The following CACNA1H variants were observed in gnomAD, a reference collection of about 807,000 sequenced individuals.
CACNA1H encodes calcium voltage-gated channel subunit alpha1 H.
Under a neutral mutation model 192.5 loss-of-function variants are expected in CACNA1H, and 149 were observed. That is an observed-to-expected ratio of 0.77 (90% CI 0.68 to 0.89). The LOEUF (loss-of-function observed/expected upper bound fraction) is 0.89, where lower values mean the gene tolerates loss of function less well. Among genes scored for constraint, CACNA1H ranks in the 40% least tolerant of loss-of-function variants. The pLI is 0.00. For synonymous variants in CACNA1H, 2,202 were observed against 1,475.2 expected, an observed-to-expected ratio of 1.49 and a Z score of -11.29; for missense variants, 4,257 against 3,423.5, an observed-to-expected ratio of 1.24 and a Z score of -6.08.
chr16:1,161,553 C>T (rs569884145), intron 2 of CACNA1H, among the ~76,000 whole-genome samples: 1 of 152,296 alleles, frequency 6.6e-6, no homozygotes, highest in African/African-American at 2.4e-5. Context: ...TCTGGGGTCT[C>T]CATGGCCACA....
chr16:1,172,404 C>T (rs1288275747), intron 2 of CACNA1H, among the ~76,000 whole-genome samples: 1 of 152,092 alleles, frequency 6.6e-6, no homozygotes, highest in African/African-American at 2.4e-5. Context: ...CAGGCGTCCT[C>T]CCCTCTTAGA....
chr16:1,220,462 C>G lies in CACNA1H; in HGVS notation c.6530C>G (p.Pro2177Arg), dbSNP rs774592173. ...EAKAWGPEAE[P>R]ALGARRKKKM... ...AAGGCCTGGGGCCCTGAGGCCGAGC[C>G]CGCTCTGGGTGCGCGCAGAAAGAAG... Residue 2177 changes from proline (P) to arginine (R), a missense_variant, in exon 35 of 35, where the codon CCC becomes CGC. Pro to Arg is a moderately radical substitution (Grantham distance 103). Coordinates refer to ENST00000348261, the MANE Select transcript of CACNA1H (RefSeq NM_021098.3). 1.3e-6 allele frequency: 2 copies of G among 1,544,676 alleles called. No homozygotes were observed. The highest frequency in any genetic ancestry group is 2.3e-5 in the East Asian group (1 of 44,146).
chr16:1,166,071 T>C (rs958036988), intron 2 of CACNA1H, among the ~76,000 whole-genome samples: 1 of 152,226 alleles, frequency 6.6e-6, no homozygotes, highest in Non-Finnish European at 1.5e-5. Flanking sequence ...ATTGGGTGAC[T>C]CTGAGAGCTG....
At chr16:1,154,061 CGGGGGGCGGGGGGCGTGGGGA>C in intron 2 of CACNA1H, 25 bp downstream of exon 2, 1 of 53,608 alleles carries the variant, frequency 1.9e-5, no homozygotes, top group East Asian at 4.3e-4. Flanking sequence ...CGGCGGGGGG[CGGGGGGCGGGGGGCGTGGGGA>C]GGGTGGGGGC....
Position 1,220,402 on chromosome 16 carries a change from C to T in CACNA1H, c.6470C>T (p.Ser2157Leu), listed in dbSNP as rs779547523. Residue 2157 changes from serine (S) to leucine (L), a missense_variant, in exon 35 of 35, where the codon TCG (serine) becomes TTG (leucine). By Grantham distance (145) the Ser-to-Leu change is moderately radical (BLOSUM62 -2). Transcript: ENST00000348261. ...CGGGCAGACGAGCAGTGGCGGCCCT[C>T]GGCGGAGCTGGGCAGCGGGGAGCCT... is the stretch of plus-strand genomic sequence containing the variant. ...PGRADEQWRP[S>L]AELGSGEPGE... 7.9e-6 allele frequency: 12 copies of T among 1,524,196 alleles called. No homozygotes were observed. Among genetic ancestry groups the T allele is most frequent in the South Asian group, 3.9e-5 (3 of 77,030 alleles). The allele number at this position is 1,524,196 out of a possible 1,614,324, so 94.4% of individuals were successfully genotyped here.
rs770812160 is a variant in CACNA1H, at chr16:1,220,045, C to T, written c.6113C>T (p.Ala2038Val). The change falls in exon 35 of 35, where the codon GCA (alanine) becomes GTA (valine). Residue 2038 changes from alanine (A) to valine (V), a missense_variant. Coordinates refer to ENST00000348261, the MANE Select transcript of CACNA1H (RefSeq NM_021098.3). Reference protein sequence around the residue: ...IDSPRDTLDPAEPGEKTPVRP... With the variant: ...IDSPRDTLDPVEPGEKTPVRP... ...AGCCCTAGGGACACCCTGGATCCTG[C>T]AGAGCCTGGTGAGAAAACCCCGGTG... 2.1e-6 allele frequency: 3 copies of T among 1,423,898 alleles called. No homozygotes were observed. The East Asian group carries it at 8.3e-5, about 40-fold the overall frequency. The allele number at this position is 1,423,898 out of a possible 1,614,324, so 88.2% of individuals were successfully genotyped here. A position where few individuals can be genotyped will look rare whatever the true frequency, so the allele number is the denominator to read the frequency against.
intron 2 of CACNA1H, among the ~76,000 whole-genome samples, chr16:1,155,884 C>T (rs570488751): frequency 3.4e-4 from 52 of 152,222 alleles, no homozygotes; most frequent in African/African-American, 1.1e-3. Flanking sequence ...GTGACCCAAG[C>T]GCTGTCCCCC....
chr16:1,201,761 G>A lies in CACNA1H; in HGVS notation c.1311G>A (p.Arg437=). The change falls in exon 9 of 35, where the codon CGG becomes CGA. Residue 437 remains arginine, a synonymous_variant. Coordinates refer to ENST00000348261, the MANE Select transcript of CACNA1H (RefSeq NM_021098.3). The part of the protein sequence containing the change: ...QRESQLMREQ[R]ARHLSNDSTL... ...AGAGTCAGCTGATGCGGGAGCAGCG[G>A]GCACGCCACCTGTCCAACGACAGCA... 6.2e-7 allele frequency: 1 copy of A among 1,607,932 alleles called. No individual in the cohort carries two copies. The highest frequency in any genetic ancestry group is 1.7e-4 in the Middle Eastern group (1 of 5,878).
Position 1,167,363 on chromosome 16 carries a change from C to T in CACNA1H, c.299+13327C>T, listed in dbSNP as rs1044831931. ...TATCGGCGCGGAGCGGGCGGGGTGG[C>T]GCCCGGGCCGCGGGTGGGAGAATCT... On this transcript the variant is annotated intron_variant, in intron 2 of 34. Transcript: ENST00000348261. The surrounding 1 kb of genome is among the most constrained non-coding windows in gnomAD (Gnocchi z 4.2). Among the ~76,000 whole-genome samples the T allele has an allele frequency of 3.3e-5, 5 of 152,072 alleles. No individual in the cohort carries two copies. Among genetic ancestry groups the T allele is most frequent in the African/African-American group, 7.3e-5 (3 of 41,352 alleles).
chr16:1,207,614 A>G (rs1968895065), intron 14 of CACNA1H, among the ~76,000 whole-genome samples, 156 bp from the exon 15 acceptor site: 1 of 152,054 alleles, frequency 6.6e-6, no homozygotes, highest in Non-Finnish European at 1.5e-5. Flanking sequence ...CGGGAGAGGC[A>G]GATTCCTCAC....
At chr16:1,209,854 G>C (rs974312382) in intron 17 of CACNA1H, among the ~76,000 whole-genome samples, 181 bp from the exon 18 acceptor site, 2 of 152,204 alleles carry the variant, frequency 1.3e-5, no homozygotes, top group Non-Finnish European at 2.9e-5. Context: ...GGAAGGGGGA[G>C]GCTCCACGGT....
intron 27 of CACNA1H, among the ~76,000 whole-genome samples, chr16:1,214,441 G>A (rs1201277395): frequency 6.6e-6 from 1 of 152,236 alleles, no homozygotes; most frequent in East Asian, 1.9e-4. Context: ...GAGGCCAGGA[G>A]CCTGGGCTGG....
intron 14 of CACNA1H, 136 bp downstream of exon 14, chr16:1,207,566 G>A (rs762148325): frequency 6.3e-6 from 7 of 1,108,116 alleles, no homozygotes. Context: ...ATGAGGAGAG[G>A]GGAGGCCAGG....
chr16:1,175,068 C>T (rs549260513), intron 2 of CACNA1H, among the ~76,000 whole-genome samples: 12 of 152,254 alleles, frequency 7.9e-5, no homozygotes, highest in African/African-American at 2.9e-4. Flanking sequence ...CTACTCTACG[C>T]ACAGGTCAAC....
chr16:1,215,678 A>C, intron 30 of CACNA1H, 85 bp downstream of exon 30: 1 of 1,074,342 alleles, frequency 9.3e-7, no homozygotes, highest in Non-Finnish European at 1.4e-6. Flanking sequence ...TCTCCCCCTC[A>C]CTCGTTTCTC....
At chr16:1,176,451 C>T (rs1052438061) in intron 2 of CACNA1H, among the ~76,000 whole-genome samples, 2 of 152,242 alleles carry the variant, frequency 1.3e-5, no homozygotes, top group African/African-American at 4.8e-5. Flanking sequence ...GCATGGACCC[C>T]AGCTGCCGTC....
In CACNA1H at chr16:1,193,813, G is replaced by T. The variant is rs570721705; in HGVS notation, c.300-1159G>T. On this transcript the variant is annotated intron_variant, in intron 2 of 34. Coordinates refer to ENST00000348261, the MANE Select transcript of CACNA1H (RefSeq NM_021098.3). ...AGGGAGGGTTCCAGGATGAGCTGCT[G>T]GGGTCCCTGGGGGAGGGGCTCCAGG... Among the ~76,000 whole-genome samples the T allele has an allele frequency of 1.3e-5, 2 of 152,234 alleles. 1 individual carries two copies. The highest frequency in any genetic ancestry group is 4.1e-4 in the South Asian group (2 of 4,820).
intron 2 of CACNA1H, among the ~76,000 whole-genome samples, chr16:1,154,739 C>T (rs970565829): frequency 4.6e-5 from 7 of 152,184 alleles, no homozygotes; most frequent in East Asian, 3.9e-4. Context: ...AAGAGGCAGC[C>T]TCTTCTACTC....
chr16:1,182,675 G>T (rs1391491109), intron 2 of CACNA1H, among the ~76,000 whole-genome samples: 1 of 152,190 alleles, frequency 6.6e-6, no homozygotes, highest in Non-Finnish European at 1.5e-5. Context: ...TGGGCAGGCT[G>T]CACATTGAGA....
Sources: allele counts gnomAD v4.1 joint callset (sites outside exome capture counted in the v4.1 genomes callset), GRCh38; gene constraint gnomAD v4.1.1; non-coding constraint Gnocchi (gnomAD v3.1); transcripts MANE v1.5; gene names NCBI Gene and HGNC (gene_info 2026-07-23, HGNC 2026-07-21).